Variants in DUT observed in about 807,000 individuals in gnomAD.
The protein encoded by DUT is deoxyuridine triphosphatase.
A neutral mutation model predicts 28.8 loss-of-function variants in DUT; 21 were observed. The ratio of observed to expected loss-of-function variants is 0.73; its 90% confidence interval spans 0.52 to 1.05. The LOEUF is 1.05. Among genes scored for constraint, DUT ranks in the 50% least tolerant of loss-of-function variants. DUT has a pLI of 0.00. For missense variants in DUT, 344 were observed against 351.8 expected (o/e 0.98, Z 0.18); for synonymous variants, 147 against 143.7 (o/e 1.02, Z -0.17).
chr15:48,336,294 C>T (rs1332886162), intron 4 of DUT, among the ~76,000 whole-genome samples: 1 of 151,670 alleles, frequency 6.6e-6, no homozygotes, highest in East Asian at 1.9e-4. Context: ...ATAATGATTA[C>T]CTAATTAATA....
intron 4 of DUT, among the ~76,000 whole-genome samples, chr15:48,339,072 T>C (rs2042503752): frequency 6.6e-6 from 1 of 152,064 alleles, no homozygotes; most frequent in African/African-American, 2.4e-5. Context: ...GTTGTGATCA[T>C]ACCACTATAC....
At chr15:48,341,996 A>C (rs754312965) in intron 6 of DUT, 26 bp from the exon 7 acceptor site, 1 of 1,552,152 alleles carries the variant, frequency 6.4e-7, no homozygotes, top group Admixed American at 2.2e-5. Context: ...AAAAACTGTG[A>C]AGCTTACTAC....
chr15:48,338,082 C>G (rs2042493396), intron 4 of DUT, among the ~76,000 whole-genome samples: 2 of 151,910 alleles, frequency 1.3e-5, no homozygotes, highest in Admixed American at 6.6e-5. Flanking sequence ...GAGAAATATC[C>G]CTGATACTTA....
chr15:48,331,362 G>A (rs1295776344), upstream of DUT: 4 of 1,462,214 alleles, frequency 2.7e-6, no homozygotes, highest in Non-Finnish European at 3.6e-6. Context: ...CGCCATCCCT[G>A]GGCTGCCGGG....
chr15:48,334,274 C>A (rs1024475454), intron 2 of DUT, 143 bp from the exon 3 acceptor site: 5 of 479,042 alleles, frequency 1.0e-5, no homozygotes, highest in Non-Finnish European at 1.5e-5. Context: ...GGTAATTCAT[C>A]ATAGCAAGGT....
At chr15:48,340,137 TTCA>T (rs1262960884) in intron 4 of DUT, 4 of 152,172 alleles carry the variant, frequency 2.6e-5, no homozygotes, top group Non-Finnish European at 5.9e-5. Context: ...TATTTTTTCC[TTCA>T]TCAGGGCTTT....
intron 4 of DUT, among the ~76,000 whole-genome samples, chr15:48,338,698 AGTGGCTACACCTTTTTT>A (rs567922525): frequency 3.4e-4 from 52 of 152,358 alleles, no homozygotes; most frequent in Middle Eastern, 3.4e-3. Context: ...TGGAAGTTTG[AGTGGCTACACCTTTTTT>A]GCAACCTATT....
chr15:48,331,358 C>A (rs2141154341), upstream of DUT: 1 of 1,462,980 alleles, frequency 6.8e-7, no homozygotes, highest in East Asian at 2.6e-5. Context: ...CCTGCGCCAT[C>A]CCTGGGCTGC....
rs1398802354 is a variant in DUT, at chr15:48,331,644, G to A, written c.129G>A (p.Pro43=). ...CCGCGGTACTCTCCGGGCCAGGCCC[G>A]CCCCTCGGCCGCGCCGCGCAGCACG... The part of the protein sequence containing the change: ...AEAAVLSGPG[P]PLGRAAQHGI... The change falls in exon 1 of 7, where the codon CCG becomes CCA. Residue 43 remains proline, a synonymous_variant. Transcript: ENST00000331200. The A allele has an allele frequency of 1.9e-6, 3 of 1,539,952 alleles. No individual in the cohort carries two copies. Among genetic ancestry groups the A allele is most frequent in the Non-Finnish European group, 2.6e-6 (3 of 1,142,828 alleles).
rs761619696 is a variant in DUT, at chr15:48,331,502, A to T, written c.-14A>T. Reference sequence around the variant, plus strand: ...GAGGTGCCGAGGACCCAACCAGCCCAAACTCTGGGGGAAATGACTCCCCTC... The same window carrying T: ...GAGGTGCCGAGGACCCAACCAGCCCTAACTCTGGGGGAAATGACTCCCCTC... On this transcript the variant is annotated 5_prime_UTR_variant, in exon 1 of 7. Transcript: ENST00000331200. 7 of 1,611,486 alleles carry T rather than the reference A, an allele frequency of 4.3e-6. No homozygotes were observed. The highest frequency in any genetic ancestry group is 5.9e-6 in the Non-Finnish European group (7 of 1,179,358).
chr15:48,339,007 C>A lies in DUT; in HGVS notation c.557-2282C>A, dbSNP rs151185203. ...CAAAAATTAGCCAGGTGTGGTGGTGCCTTTGTACCTGGAGGCTGAGGTGGG... is the reference window on the plus strand; with the variant it reads ...CAAAAATTAGCCAGGTGTGGTGGTGACTTTGTACCTGGAGGCTGAGGTGGG... On this transcript the variant is annotated intron_variant, in intron 4 of 6. Transcript: ENST00000331200. 1.4e-3 allele frequency among the ~76,000 whole-genome samples: 220 copies of A among 152,024 alleles called. 6 individuals carry two copies. The East Asian group carries it at 0.039, about 27-fold the overall frequency.
At chr15:48,340,531 C>T (rs969724318) in intron 4 of DUT, among the ~76,000 whole-genome samples, 1 of 152,138 alleles carries the variant, frequency 6.6e-6, no homozygotes, top group African/African-American at 2.4e-5. Context: ...ATTATTGGCT[C>T]AAAGATAAAT....
chr15:48,331,981 C>T, intron 1 of DUT, 186 bp downstream of exon 1: 1 of 878,212 alleles, frequency 1.1e-6, no homozygotes, highest in Non-Finnish European at 1.6e-6. Context: ...TAGAAGCTCC[C>T]CTTCAAAGTT....
Position 48,332,412 on chromosome 15 carries a change from C to T in DUT, c.419+6C>T, listed in dbSNP as rs1387470105. ...GCGGGCTACGACCTGTACAGGTGAG[C>T]GGGGACCTGCCGGCGAGGAGGCTGG... On this transcript the variant is annotated splice_donor_region_variant and intron_variant, in intron 2 of 6. Transcript: ENST00000331200. 4 of 1,537,448 alleles carry T rather than the reference C, an allele frequency of 2.6e-6. No homozygotes were observed. Among genetic ancestry groups the T allele is most frequent in the Non-Finnish European group, 2.6e-6 (3 of 1,149,146 alleles).
intron 4 of DUT, among the ~76,000 whole-genome samples, chr15:48,337,687 T>C (rs10851465): frequency 0.68 from 103,258 of 152,112 alleles, 37,745 homozygotes; most frequent in Non-Finnish European, 0.83. Context: ...TGTAAAAGAA[T>C]GGAAAGTTAG....
chr15:48,331,512 G>A lies in DUT; in HGVS notation c.-4G>A. The A allele has an allele frequency of 1.2e-6, 2 of 1,611,574 alleles. No homozygotes were observed. Among genetic ancestry groups the A allele is most frequent in the East Asian group, 2.2e-5 (1 of 44,782 alleles). ...GGACCCAACCAGCCCAAACTCTGGG[G>A]GAAATGACTCCCCTCTGCCCTCGCC... On this transcript the variant is annotated 5_prime_UTR_variant, in exon 1 of 7. Coordinates refer to ENST00000331200, the MANE Select transcript of DUT (RefSeq NM_001025248.2).
At chr15:48,332,875 G>A (rs1385631498) in intron 2 of DUT, 11 of 430,244 alleles carry the variant, frequency 2.6e-5, no homozygotes, top group Non-Finnish European at 5.1e-5. Flanking sequence ...AGGCAGAGCT[G>A]CCTGTAATCT....
intron 2 of DUT, chr15:48,332,774 A>G (rs2042433153): frequency 2.0e-6 from 1 of 500,490 alleles, no homozygotes; most frequent in African/African-American, 1.9e-5. Context: ...ATACCTAAGA[A>G]GGATGAACGA....
rs767365686 is a variant in DUT at position 48,341,343 on chromosome 15, T to C, written c.611T>C (p.Phe204Ser). 1 of 1,611,592 alleles carries C rather than the reference T, an allele frequency of 6.2e-7. No homozygotes were observed. The highest frequency in any genetic ancestry group is 8.5e-7 in the Non-Finnish European group (1 of 1,178,304). The change falls in exon 5 of 7, where the codon TTT (phenylalanine) becomes TCT (serine). Residue 204 changes from phenylalanine to serine, a missense_variant. Physicochemically the swap from Phe to Ser is radical, Grantham distance 155. Transcript: ENST00000331200. Reference sequence around the variant, plus strand: ...AATGTTGGTGTTGTACTGTTTAATTTTGGCAAAGAAAAGTTTGAAGGTATG... The same window carrying C: ...AATGTTGGTGTTGTACTGTTTAATTCTGGCAAAGAAAAGTTTGAAGGTATG... Reference protein sequence around the residue: ...RGNVGVVLFNFGKEKFEVKKG... With the variant: ...RGNVGVVLFNSGKEKFEVKKG...
Sources: allele counts gnomAD v4.1 joint callset (sites outside exome capture counted in the v4.1 genomes callset), GRCh38; gene constraint gnomAD v4.1.1; transcripts MANE v1.5; gene names NCBI Gene and HGNC (gene_info 2026-07-23, HGNC 2026-07-21).